Variants in ABCA2 observed in about 807,000 individuals in gnomAD.
The protein encoded by ABCA2 is ATP-binding cassette sub-family A member 2.
A neutral mutation model predicts 262.8 loss-of-function variants in ABCA2; 84 were observed. The ratio of observed to expected loss-of-function variants is 0.32; its 90% CI spans 0.27 to 0.38. ABCA2 has a LOEUF of 0.38. Among genes scored for constraint, ABCA2 ranks in the 10% least tolerant of loss-of-function variants. The pLI is 1.00. For synonymous variants in ABCA2, 1,696 were observed against 1,502.9 expected, an observed-to-expected ratio of 1.13 and a Z score of -2.97; for missense variants, 2,662 against 3,405.9, an observed-to-expected ratio of 0.78 and a Z score of 5.44.
rs1375379327 is a variant in ABCA2 at position 137,012,168 on chromosome 9, C to T, written c.5300-6G>A. Reference sequence around the variant, plus strand: ...GTGGTTGGTGACGGTGATGCCTGCACACGGCGGGGCGGGGGCGGCAGCTTC... The same window carrying T: ...GTGGTTGGTGACGGTGATGCCTGCATACGGCGGGGCGGGGGCGGCAGCTTC... On this transcript the variant is annotated splice_region_variant and splice_polypyrimidine_tract_variant and intron_variant, in intron 33 of 48. Transcript: ENST00000341511. The T allele has an allele frequency of 5.6e-6, 9 of 1,611,854 alleles. No homozygotes were observed. The highest frequency in any genetic ancestry group is 7.6e-6 in the Non-Finnish European group (9 of 1,179,750).
chr9:137,015,302 T>TCCTGGG, intron 24 of ABCA2, 112 bp downstream of exon 24: 2 of 1,347,976 alleles, frequency 1.5e-6, no homozygotes, highest in Non-Finnish European at 2.0e-6. Context: ...CCAGCAGGCA[T>TCCTGGG]CCTGGGCCCA....
At chr9:137,015,227 C>T in intron 24 of ABCA2, 130 bp from the exon 25 acceptor site, 3 of 1,247,038 alleles carry the variant, frequency 2.4e-6, no homozygotes, top group Non-Finnish European at 3.3e-6. Flanking sequence ...TATCCTGGGC[C>T]CAGGGGGTGA....
rs778878383 is a variant in ABCA2 at position 137,024,214 on chromosome 9, A to G, written c.89T>C (p.Phe30Ser). The G allele has an allele frequency of 1.9e-6, 3 of 1,611,784 alleles. No individual in the cohort carries two copies. Among genetic ancestry groups the G allele is most frequent in the Non-Finnish European group, 2.5e-6 (3 of 1,179,376 alleles). ...RSPWVLAFEIFIPLVLFFILL... is the reference protein window; with the variant it reads ...RSPWVLAFEISIPLVLFFILL... ...GATAAAGAACAGCACCAGGGGGATG[A>G]AGATCTCGAAGGCCAGGACCCACTG... is the stretch of plus-strand genomic sequence containing the variant. Residue 30 changes from phenylalanine (F) to serine (S), a missense_variant, in exon 2 of 49, where the codon TTC (phenylalanine) becomes TCC (serine). This residue lies in a region of ABCA2 where 101 missense variants were observed against 152.3 expected (regional missense o/e 0.66). Coordinates refer to ENST00000341511, the MANE Select transcript of ABCA2 (RefSeq NM_001606.5).
intron 3 of ABCA2, 151 bp downstream of exon 3, chr9:137,023,687 A>G: frequency 1.5e-6 from 1 of 689,096 alleles, no homozygotes; most frequent in South Asian, 1.5e-5. Context: ...ACTGCCTGCC[A>G]CCCCCCATCT....
intron 1 of ABCA2, among the ~76,000 whole-genome samples, chr9:137,025,817 C>T (rs1404208275): frequency 2.6e-5 from 4 of 152,216 alleles, no homozygotes; most frequent in African/African-American, 7.2e-5. Context: ...CGGCCTCGCA[C>T]GAGCTACTGG....
intron 24 of ABCA2, 136 bp downstream of exon 24, chr9:137,015,278 G>A: frequency 8.0e-7 from 1 of 1,247,478 alleles, no homozygotes; most frequent in Non-Finnish European, 1.1e-6. Context: ...GCGTTGCAGA[G>A]GGCGGGCCAG....
At chr9:137,009,210 TCCCCTGG>T in intron 45 of ABCA2, 153 bp downstream of exon 45, 1 of 582,264 alleles carries the variant, frequency 1.7e-6, no homozygotes, top group Non-Finnish European at 2.6e-6. Context: ...TCCAGGCTCC[TCCCCTGG>T]CCCCACTGCC....
chr9:137,008,760 A>G lies in ABCA2; in HGVS notation c.7039T>C (p.Tyr2347His). The G allele has an allele frequency of 6.3e-7, 1 of 1,590,474 alleles. No homozygotes were observed. ...TCCAGTGTGGTCTGGCTGACCGAGT[A>G]GTCCTCGATGCCCAGCACGCCAGAC... ...QVSGVLGIED[Y>H]SVSQTTLDNV... The change falls in exon 47 of 49, where the codon TAC becomes CAC. Residue 2347 changes from tyrosine (Y) to histidine (H), a missense_variant. Coordinates refer to ENST00000341511, the MANE Select transcript of ABCA2 (RefSeq NM_001606.5).
chr9:137,010,172 C>T lies in ABCA2; in HGVS notation c.6353+21G>A, dbSNP rs377310681. On this transcript the variant is annotated intron_variant, in intron 41 of 48. Transcript: ENST00000341511. ...CGCGTGAGGACGCGGCGGCCCCGCC[C>T]ACCCAGGGCTCCCGCCCCACCTGTG... The T allele has an allele frequency of 7.5e-4, 1,202 of 1,595,408 alleles. 5 individuals carry two copies. The African/African-American group carries it at 0.013, about 17-fold the overall frequency.
At chr9:137,025,924 A>C (rs1298853055) in intron 1 of ABCA2, among the ~76,000 whole-genome samples, 1 of 152,132 alleles carries the variant, frequency 6.6e-6, no homozygotes, top group Non-Finnish European at 1.5e-5. Context: ...GGTGCCCCAC[A>C]CAGGTGCCTC....
rs2292920 is a variant in ABCA2, at chr9:137,011,367, C to A, written c.5799+40G>T. ...TGGCCGGGGTGAGGGGCACAGCCTC[C>A]GCAGGGTCCGCCACCCCCACCATGT... On this transcript the variant is annotated intron_variant, in intron 37 of 48. Transcript: ENST00000341511. This position sits in a 1 kb window ranked among gnomAD's most constrained non-coding sequence, Gnocchi z 8.8. The A allele has an allele frequency of 1.2e-6, 2 of 1,605,652 alleles. No individual in the cohort carries two copies. Among genetic ancestry groups the A allele is most frequent in the Non-Finnish European group, 1.7e-6 (2 of 1,176,064 alleles).
At chr9:137,014,116 G>T in intron 27 of ABCA2, 52 bp downstream of exon 27, 1 of 1,589,168 alleles carries the variant, frequency 6.3e-7, no homozygotes, top group Non-Finnish European at 8.6e-7. Flanking sequence ...CCGCTCCCCC[G>T]CAACCCTGCT....
Position 137,028,049 on chromosome 9 carries a change from A to C in ABCA2, c.66+26T>G. The C allele has an allele frequency of 4.1e-6, 4 of 978,624 alleles. No homozygotes were observed. Among genetic ancestry groups the C allele is most frequent in the Non-Finnish European group, 4.8e-6 (4 of 825,116 alleles). 60.6% of individuals were successfully genotyped at this position (978,624 alleles called of 1,614,324 possible). A position where few individuals can be genotyped will look rare whatever the true frequency, so the allele number is the denominator to read the frequency against. On this transcript the variant is annotated intron_variant, in intron 1 of 48. Transcript: ENST00000341511. This position sits in a 1 kb window ranked among gnomAD's most constrained non-coding sequence, Gnocchi z 6.9. Reference sequence around the variant, plus strand: ...CCGCGGTGCGCGCGGCCTCGGGCTGAGGGCGGGCGCGTGGGGTGGGCTCAC... The same window carrying C: ...CCGCGGTGCGCGCGGCCTCGGGCTGCGGGCGGGCGCGTGGGGTGGGCTCAC...
At position 137,007,821 on chromosome 9, in the gene ABCA2, A is replaced by G. The variant is rs1830886173; in HGVS notation, c.*108T>C. On this transcript the variant is annotated 3_prime_UTR_variant, in exon 49 of 49. Transcript: ENST00000341511. ...AGAAGCCCCTTGGTCCTGAACCTCC[A>G]CTCCAGGCCCTGGCAGGCACTGGGG... 1 of 1,468,966 alleles carries G rather than the reference A, an allele frequency of 6.8e-7. No individual in the cohort carries two copies. The highest frequency in any genetic ancestry group is 1.9e-5 in the Admixed American group (1 of 52,996). The allele number at this position is 1,468,966 out of a possible 1,614,324, so 91.0% of individuals were successfully genotyped here.
At position 137,011,710 on chromosome 9, in the gene ABCA2, G is replaced by T; in HGVS notation, c.5575C>A (p.Leu1859Met). Residue 1859 changes from leucine (L) to methionine (M), a missense_variant, in exon 36 of 49, where the codon CTG becomes ATG. Physicochemically the swap from Leu to Met is conservative, Grantham distance 15. Around this residue, in one of 12 missense-constraint regions of ABCA2, gnomAD observed 602 missense variants for 897.4 expected, o/e 0.67. Coordinates refer to ENST00000341511, the MANE Select transcript of ABCA2 (RefSeq NM_001606.5). The surrounding 1 kb of genome is among the most constrained non-coding windows in gnomAD (Gnocchi z 8.8). ...TAGGCCGGCAGGTCGAACACAAACA[G>T]GATGATGACACAGCAGGTAGCGGGG... is the stretch of plus-strand genomic sequence containing the variant. Reference protein sequence around the residue: ...LVPATCCVIILFVFDLPAYTS... With the variant: ...LVPATCCVIIMFVFDLPAYTS... The T allele has an allele frequency of 6.4e-7, 1 of 1,553,792 alleles. No homozygotes were observed. Among genetic ancestry groups the T allele is most frequent in the Non-Finnish European group, 8.7e-7 (1 of 1,149,208 alleles).
chr9:137,009,959 C>G, intron 42 of ABCA2, 24 bp downstream of exon 42: 2 of 1,595,190 alleles, frequency 1.3e-6, no homozygotes, highest in Non-Finnish European at 1.7e-6. Flanking sequence ...TGCTGACTCC[C>G]TGCCCCGCCC....
In ABCA2 at chr9:137,019,065, T is replaced by C; in HGVS notation, c.1560A>G (p.Val520=). ...CCTCGGGGTGCAGCCGCAGCTCTGC[T>C]ACATACTTGGGGTGGAGGGGCGGCT... ...QQHLRWLQQY[V]AELRLHPEAL... is the part of the protein sequence containing the mutation. Residue 520 remains valine (V), a synonymous_variant, in exon 12 of 49, where the codon GTA becomes GTG. Transcript: ENST00000341511. The surrounding 1 kb of genome is among the most constrained non-coding windows in gnomAD (Gnocchi z 4.4). 1.2e-6 allele frequency: 2 copies of C among 1,609,484 alleles called. No individual in the cohort carries two copies. Among genetic ancestry groups the C allele is most frequent in the Non-Finnish European group, 1.7e-6 (2 of 1,177,422 alleles).
In ABCA2 at chr9:137,010,725, C is replaced by T. The variant is rs201228361; in HGVS notation, c.6069G>A (p.Val2023=). ...NFLRRPQRMP[V]STKPVEDDVD... is the part of the protein sequence containing the mutation. ...CATCATCCTCCACAGGCTTGGTAGA[C>T]ACAGGCATGCGCCTTGGGGGACAGG... is the stretch of plus-strand genomic sequence containing the variant. The change falls in exon 40 of 49, where the codon GTG becomes GTA. Residue 2023 remains valine, a synonymous_variant. Transcript: ENST00000341511. 23 of 1,612,532 alleles carry T rather than the reference C, an allele frequency of 1.4e-5. No homozygotes were observed. In the Admixed American group the frequency reaches 3.2e-4, roughly 22 times the overall value.
At position 137,019,343 on chromosome 9, in the gene ABCA2, C is replaced by A; in HGVS notation, c.1426-37G>T. The A allele has an allele frequency of 6.2e-7, 1 of 1,604,044 alleles. No homozygotes were observed. Among genetic ancestry groups the A allele is most frequent in the South Asian group, 1.1e-5 (1 of 90,154 alleles). Reference sequence around the variant, plus strand: ...GAGGCAGGGGCATGGAGTTTCTGGACGGACCCCCACCGACTTGGGGGCTCT... The same window carrying A: ...GAGGCAGGGGCATGGAGTTTCTGGAAGGACCCCCACCGACTTGGGGGCTCT... On this transcript the variant is annotated intron_variant, in intron 10 of 48. Coordinates refer to ENST00000341511, the MANE Select transcript of ABCA2 (RefSeq NM_001606.5). This position sits in a 1 kb window ranked among gnomAD's most constrained non-coding sequence, Gnocchi z 4.4.
Sources: gnomAD v4.1 joint callset for allele counts (sites outside exome capture counted in the v4.1 genomes callset) on GRCh38, gnomAD v4.1.1 for gene constraint, gnomAD v4.1.1 regional missense constraint, Gnocchi (gnomAD v3.1) non-coding constraint, MANE v1.5 for transcripts, NCBI Gene and HGNC (gene_info 2026-07-23, HGNC 2026-07-21) for gene names.